Variants in GAB2 observed in about 807,000 individuals in gnomAD.
GAB2 encodes GRB2 associated binding protein 2.
In GAB2, 26 loss-of-function variants were observed where a neutral mutation model predicts 65.5. The ratio of observed to expected loss-of-function variants is 0.40; its 90% CI spans 0.29 to 0.55. The LOEUF (loss-of-function observed/expected upper bound fraction) is 0.55, where lower values mean the gene tolerates loss of function less well. GAB2 is among the 20% of genes least tolerant of loss of function. The pLI is 0.53. For missense variants in GAB2, 884 were observed against 875.8 expected (o/e 1.01, Z -0.12); for synonymous variants, 321 against 329.6 (o/e 0.97, Z 0.28).
chr11:78,239,021 T>G (rs903371025), intron 3 of GAB2, among the ~76,000 whole-genome samples: 1 of 151,994 alleles, frequency 6.6e-6, no homozygotes, highest in African/African-American at 2.4e-5. Context: ...CATGAAAAGT[T>G]GCTCAACACC....
chr11:78,251,384 C>G (rs997764907), intron 2 of GAB2, among the ~76,000 whole-genome samples: 2 of 152,210 alleles, frequency 1.3e-5, no homozygotes, highest in Non-Finnish European at 2.9e-5. Context: ...CCTCTTATCT[C>G]AAGCTTTTCT....
At chr11:78,291,750 G>C (rs1305805273) in intron 1 of GAB2, among the ~76,000 whole-genome samples, 1 of 145,098 alleles carries the variant, frequency 6.9e-6, no homozygotes, top group Non-Finnish European at 1.5e-5. Context: ...TTTTTTTTTA[G>C]AGATGGAGTC....
rs186427564 is a variant in GAB2, at chr11:78,322,161, C to T, written c.76-41260G>A. On this transcript the variant is annotated intron_variant, in intron 1 of 9. Transcript: ENST00000361507. Reference sequence around the variant, plus strand: ...CTCTAATAAAAATATAAAAATTAGCCGGGCGTGGTGGTACGTGCCTGTAAT... The same window carrying T: ...CTCTAATAAAAATATAAAAATTAGCTGGGCGTGGTGGTACGTGCCTGTAAT... Among the ~76,000 whole-genome samples the T allele has an allele frequency of 9.3e-5, 14 of 151,312 alleles. No homozygotes were observed. In the East Asian group the frequency reaches 9.7e-4, roughly 10 times the overall value.
chr11:78,249,562 G>A (rs1269462666), intron 3 of GAB2, among the ~76,000 whole-genome samples: 2 of 152,186 alleles, frequency 1.3e-5, no homozygotes, highest in Non-Finnish European at 2.9e-5. Flanking sequence ...AGAACAGGGA[G>A]TCCTTGCTCT....
At chr11:78,366,962 C>A (rs1856506035) in intron 1 of GAB2, among the ~76,000 whole-genome samples, 1 of 151,952 alleles carries the variant, frequency 6.6e-6, no homozygotes, top group Non-Finnish European at 1.5e-5. Flanking sequence ...CCATTATGTG[C>A]AAGGTATTCT....
intron 1 of GAB2, among the ~76,000 whole-genome samples, chr11:78,344,279 A>G (rs2134695262): frequency 6.6e-6 from 1 of 152,368 alleles, no homozygotes; most frequent in East Asian, 1.9e-4. Context: ...TTCCTATAAC[A>G]AACAGTATGA....
chr11:78,288,382 G>GAAAAA (rs369041941), intron 1 of GAB2, among the ~76,000 whole-genome samples: 130 of 119,346 alleles, frequency 1.1e-3, no homozygotes, highest in East Asian at 2.1e-3. Flanking sequence ...CCATCTCAAA[G>GAAAAA]AAAAAAAAAA....
intron 3 of GAB2, among the ~76,000 whole-genome samples, chr11:78,231,336 G>GGTTGTGT (rs1554975139): frequency 1.6e-4 from 24 of 145,898 alleles, no homozygotes; most frequent in South Asian, 1.3e-3. Flanking sequence ...GCGCGTGTGT[G>GGTTGTGT]GTGTGTGTGT....
At chr11:78,341,607 A>G (rs56966672) in intron 1 of GAB2, among the ~76,000 whole-genome samples, 9,249 of 152,194 alleles carry the variant, frequency 0.061, 905 homozygotes, top group African/African-American at 0.21. Context: ...TTTAATGCCT[A>G]TCCTCACGAA....
At chr11:78,357,152 A>G (rs1320160238) in intron 1 of GAB2, among the ~76,000 whole-genome samples, 4 of 152,180 alleles carry the variant, frequency 2.6e-5, no homozygotes, top group Non-Finnish European at 5.9e-5. Flanking sequence ...TTTTGATGTT[A>G]TATATGTTTC....
rs768693943 is a variant in GAB2, at chr11:78,300,526, A to AAAAAAAAAAAAC, written c.76-19626_76-19625insGTTTTTTTTTTT. ...CTACGTTTAATTTTATAAAAAAACAAAAAAACAAAAAACTACCACATTGTT... is the reference window on the plus strand; with the variant it reads ...CTACGTTTAATTTTATAAAAAAACAAAAAAAAAAAAACAAAAACAAAAAACTACCACATTGTT... On this transcript the variant is annotated intron_variant, in intron 1 of 9. Transcript: ENST00000361507. Among the ~76,000 whole-genome samples the AAAAAAAAAAAAC allele has an allele frequency of 8.2e-5, 12 of 145,514 alleles. No individual in the cohort carries two copies. In the East Asian group the frequency reaches 1.2e-3, roughly 15 times the overall value.
chr11:78,334,853 T>C (rs148244875), intron 1 of GAB2, among the ~76,000 whole-genome samples: 19 of 152,376 alleles, frequency 1.2e-4, no homozygotes, highest in African/African-American at 2.4e-4. Flanking sequence ...TACTAATTCA[T>C]GTTCCCACCA....
chr11:78,318,254 A>AG (rs375258066), intron 1 of GAB2: 2 of 151,540 alleles, frequency 1.3e-5, no homozygotes, highest in African/African-American at 4.9e-5. Context: ...TATCAGGAGG[A>AG]GGGACCAGCA....
intron 1 of GAB2, among the ~76,000 whole-genome samples, chr11:78,291,555 CTTTTTCTTTTTTTTTTTTTT>C (rs1212363450): frequency 5.5e-5 from 3 of 55,044 alleles, no homozygotes; most frequent in Non-Finnish European, 1.0e-4. Flanking sequence ...TTACTTTTTT[CTTTTTCTTTTTTTTTTTTTT>C]TTTTTTTTTT....
At chr11:78,334,156 A>C (rs1855961310) in intron 1 of GAB2, among the ~76,000 whole-genome samples, 1 of 152,200 alleles carries the variant, frequency 6.6e-6, no homozygotes, top group South Asian at 2.1e-4. Context: ...GTAGGTATAC[A>C]TGAGATGTTT....
At chr11:78,249,168 GCTATTTATTAGTCATGATTCTCAGTTC>G (rs1565125434) in intron 3 of GAB2, among the ~76,000 whole-genome samples, 1 of 152,180 alleles carries the variant, frequency 6.6e-6, no homozygotes, top group African/African-American at 2.4e-5. Flanking sequence ...CCCAACCTCT[GCTATTTATTAGTCATGATTCTCAGTTC>G]CTTCATCTTT....
chr11:78,278,725 G>T lies in GAB2; in HGVS notation c.376+1876C>A, dbSNP rs1453309188. ...CTTATTCCCCACCCCCAACATTTTTGTTTTTTTTTTTAGGACACAGGGTCT... is the reference window on the plus strand; with the variant it reads ...CTTATTCCCCACCCCCAACATTTTTTTTTTTTTTTTTAGGACACAGGGTCT... On this transcript the variant is annotated intron_variant, in intron 2 of 9. Transcript: ENST00000361507. Among the ~76,000 whole-genome samples the T allele has an allele frequency of 2.3e-3, 317 of 140,202 alleles. 2 individuals carry two copies. Among genetic ancestry groups the T allele is most frequent in the Non-Finnish European group, 1.0e-3 (63 of 63,124 alleles). 92.0% of individuals were successfully genotyped at this position (140,202 alleles called of 152,430 possible).
Position 78,389,813 on chromosome 11 carries a change from C to T in GAB2, c.75+27833G>A, listed in dbSNP as rs116305987. The stretch of plus-strand genomic sequence containing the variant: ...CTTTTACCACCCCTGCCAGTCAAAT[C>T]CCCACAAGTTACCAATATCATCAGT... On this transcript the variant is annotated intron_variant, in intron 1 of 9. Coordinates refer to ENST00000361507, the MANE Select transcript of GAB2 (RefSeq NM_080491.3). 1.3e-3 allele frequency among the ~76,000 whole-genome samples: 203 copies of T among 152,264 alleles called. No individual in the cohort carries two copies. In the Middle Eastern group the frequency reaches 0.017, roughly 13 times the overall value.
intron 1 of GAB2, among the ~76,000 whole-genome samples, chr11:78,311,871 A>G (rs1855506019): frequency 6.6e-6 from 1 of 152,208 alleles, no homozygotes; most frequent in African/African-American, 2.4e-5. Context: ...CAGGTCATAC[A>G]GAGGCCAGAG....
Sources: allele counts gnomAD v4.1 joint callset (sites outside exome capture counted in the v4.1 genomes callset), GRCh38; gene constraint gnomAD v4.1.1; transcripts MANE v1.5; gene names NCBI Gene and HGNC (gene_info 2026-07-23, HGNC 2026-07-21).